The following SDK1 variants were observed in gnomAD, a reference collection of about 807,000 sequenced individuals.
SDK1 encodes the protein sidekick cell adhesion molecule 1, also known as protein sidekick-1.
SDK1 carries 157 observed loss-of-function variants against 245.5 expected under a neutral mutation model. That is an observed-to-expected ratio of 0.64 (90% confidence interval 0.56 to 0.73). The LOEUF (loss-of-function observed/expected upper bound fraction) is 0.73. Among genes scored for constraint, SDK1 ranks in the 30% least tolerant of loss-of-function variants. The pLI is 0.00. For missense variants in SDK1, 3,583 were observed against 3,002.3 expected, an observed-to-expected ratio of 1.19 and a Z score of -4.52; for synonymous variants, 1,647 against 1,278.5, an observed-to-expected ratio of 1.29 and a Z score of -6.15.
chr7:3,901,592 A>G (rs947583322), intron 5 of SDK1, among the ~76,000 whole-genome samples: 1 of 152,198 alleles, frequency 6.6e-6, no homozygotes, highest in East Asian at 1.9e-4. Flanking sequence ...ATGGGGACCA[A>G]CAGGTTTGTC....
In SDK1 at chr7:4,029,900, G is replaced by A. The variant is rs557138348; in HGVS notation, c.2602+12548G>A. 5.9e-5 allele frequency among the ~76,000 whole-genome samples: 9 copies of A among 152,306 alleles called. No homozygotes were observed. In the South Asian group the frequency reaches 1.7e-3, roughly 28 times the overall value. ...AATCAACACACTGAAATGTAGAAAG[G>A]ATAAGCCAACATGCTGCACTCGGAT... On this transcript the variant is annotated intron_variant, in intron 17 of 44. Transcript: ENST00000404826.
At chr7:3,597,757 G>GTT (rs1266117343) in intron 1 of SDK1, among the ~76,000 whole-genome samples, 1 of 152,192 alleles carries the variant, frequency 6.6e-6, no homozygotes, top group African/African-American at 2.4e-5. Context: ...AGTACAGACA[G>GTT]TTTTGTTTTT....
At chr7:4,076,454 G>C (rs1041095881) in intron 20 of SDK1, among the ~76,000 whole-genome samples, 1 of 152,188 alleles carries the variant, frequency 6.6e-6, no homozygotes, top group Admixed American at 6.5e-5. Context: ...TACTCAGGAC[G>C]CTGAGGTGGG....
intron 35 of SDK1, among the ~76,000 whole-genome samples, chr7:4,180,659 C>G (rs1410017054): frequency 6.6e-6 from 1 of 152,248 alleles, no homozygotes; most frequent in Non-Finnish European, 1.5e-5. Context: ...GCTCACAATT[C>G]TGCAGGCTGC....
At chr7:3,440,627 C>A (rs1220668001) in intron 1 of SDK1, among the ~76,000 whole-genome samples, 3 of 151,900 alleles carry the variant, frequency 2.0e-5, no homozygotes, top group African/African-American at 7.3e-5. Context: ...TTAGGATGTG[C>A]CAGAGAGAAG....
intron 4 of SDK1, among the ~76,000 whole-genome samples, chr7:3,711,873 C>T (rs1003858688): frequency 6.6e-5 from 10 of 152,250 alleles, no homozygotes; most frequent in African/African-American, 2.4e-4. Context: ...AGGAGCCCTG[C>T]CATGGTAGAC....
intron 5 of SDK1, among the ~76,000 whole-genome samples, chr7:3,901,795 T>C (rs1304461511): frequency 1.3e-5 from 2 of 152,260 alleles, no homozygotes; most frequent in East Asian, 1.9e-4. Flanking sequence ...TTAGTCTTCT[T>C]CTGTAAGGAA....
chr7:3,601,825 C>A (rs1181461780), intron 1 of SDK1, among the ~76,000 whole-genome samples: 1 of 128,256 alleles, frequency 7.8e-6, no homozygotes, highest in Non-Finnish European at 1.6e-5. Context: ...TATCCCTCCC[C>A]CCTTCCCCCA....
At chr7:3,784,174 C>T (rs946692149) in intron 4 of SDK1, among the ~76,000 whole-genome samples, 3 of 151,538 alleles carry the variant, frequency 2.0e-5, no homozygotes, top group African/African-American at 7.3e-5. Context: ...ATCCCTGAGC[C>T]TGTCAAAGTG....
At chr7:3,646,802 G>C (rs556434520) in intron 4 of SDK1, among the ~76,000 whole-genome samples, 1 of 152,218 alleles carries the variant, frequency 6.6e-6, no homozygotes, top group South Asian at 2.1e-4. Context: ...TTTGAAAGTA[G>C]AGACAATCTA....
intron 36 of SDK1, 110 bp downstream of exon 36, chr7:4,206,104 A>G (rs1421880585): frequency 1.4e-6 from 1 of 710,490 alleles, no homozygotes; most frequent in Non-Finnish European, 2.3e-6. Flanking sequence ...CTCCACCTGG[A>G]GAGCTGGGGC....
chr7:3,772,024 G>A (rs541453433), intron 4 of SDK1, among the ~76,000 whole-genome samples: 3 of 152,080 alleles, frequency 2.0e-5, no homozygotes, highest in African/African-American at 7.2e-5. Context: ...CTCATTTTGT[G>A]ACTGGCTTCT....
intron 1 of SDK1, among the ~76,000 whole-genome samples, chr7:3,452,210 C>G (rs1780535266): frequency 6.6e-6 from 1 of 152,128 alleles, no homozygotes; most frequent in Admixed American, 6.5e-5. Context: ...AGAATTTTAT[C>G]TAACCTCTTA....
intron 4 of SDK1, among the ~76,000 whole-genome samples, chr7:3,655,374 G>A (rs1477280397): frequency 6.8e-5 from 10 of 147,534 alleles, no homozygotes; most frequent in East Asian, 2.0e-4. Flanking sequence ...TGGAGGTTGC[G>A]GTGAGCCGAG....
intron 1 of SDK1, among the ~76,000 whole-genome samples, chr7:3,550,736 G>T (rs1034654387): frequency 6.6e-6 from 1 of 152,092 alleles, no homozygotes; most frequent in Non-Finnish European, 1.5e-5. Flanking sequence ...TATTAATATG[G>T]ATATTACTAT....
intron 4 of SDK1, among the ~76,000 whole-genome samples, chr7:3,652,982 T>G (rs1783054636): frequency 6.6e-6 from 1 of 152,162 alleles, no homozygotes; most frequent in Non-Finnish European, 1.5e-5. Flanking sequence ...AAGAAGTGGG[T>G]GGACTGAGCA....
chr7:3,864,516 GATATTAGAGATGTGGCTA>G (rs527271975), intron 5 of SDK1, among the ~76,000 whole-genome samples: 309 of 152,280 alleles, frequency 2.0e-3, no homozygotes, highest in Non-Finnish European at 3.3e-3. Context: ...CTAATACACG[GATATTAGAGATGTGGCTA>G]ATATCTCTGC....
intron 5 of SDK1, among the ~76,000 whole-genome samples, chr7:3,822,159 A>G (rs1166218111): frequency 6.6e-6 from 1 of 152,152 alleles, no homozygotes; most frequent in African/African-American, 2.4e-5. Context: ...ACATGTTTGG[A>G]CTTTAAATTC....
chr7:4,241,198 T>C (rs1191390958), intron 42 of SDK1, among the ~76,000 whole-genome samples: 1 of 152,226 alleles, frequency 6.6e-6, no homozygotes, highest in African/African-American at 2.4e-5. Flanking sequence ...AGAACGTTCG[T>C]GTCACCTCAA....
Sources: gnomAD v4.1 joint callset for allele counts (sites outside exome capture counted in the v4.1 genomes callset) on GRCh38, gnomAD v4.1.1 for gene constraint, MANE v1.5 for transcripts, NCBI Gene and HGNC (gene_info 2026-07-23, HGNC 2026-07-21) for gene names.